The following NPHP1 variants were observed in gnomAD, a reference collection of about 807,000 sequenced individuals.
NPHP1 encodes the protein nephrocystin 1.
NPHP1 carries 70 observed loss-of-function variants against 90.4 expected under a neutral mutation model. The ratio of observed to expected loss-of-function variants is 0.77; its 90% CI spans 0.64 to 0.95. The LOEUF (loss-of-function observed/expected upper bound fraction) is 0.95. NPHP1 is among the 40% of genes least tolerant of loss of function. The probability of loss-of-function intolerance (pLI) is 0.00; values close to 1 mark genes in which losing one functional copy is unlikely to be tolerated. For missense variants in NPHP1, 764 were observed against 795.9 expected, an observed-to-expected ratio of 0.96 and a Z score of 0.48; for synonymous variants, 256 against 271.7, an observed-to-expected ratio of 0.94 and a Z score of 0.57.
At chr2:110,168,676 TC>T in intron 5 of NPHP1, 123 bp from the exon 6 acceptor site, 1 of 697,256 alleles carries the variant, frequency 1.4e-6, no homozygotes, top group South Asian at 1.7e-5. Flanking sequence ...CCAATATTTA[TC>T]CTAAGGTTTA....
At chr2:110,194,378 C>T (rs1353216326) in intron 2 of NPHP1, among the ~76,000 whole-genome samples, 2 of 152,262 alleles carry the variant, frequency 1.3e-5, no homozygotes, top group South Asian at 2.1e-4. Context: ...ACTATAAACA[C>T]CTCTATGCAA....
chr2:110,178,990 T>C (rs1486627858), intron 3 of NPHP1: 1 of 159,812 alleles, frequency 6.3e-6, no homozygotes, highest in Non-Finnish European at 1.4e-5. Flanking sequence ...AAGTTTTGTG[T>C]CACTGGAGAA....
At chr2:110,145,286 CT>C (rs1338241319) in intron 14 of NPHP1, among the ~76,000 whole-genome samples, 2 of 152,064 alleles carry the variant, frequency 1.3e-5, no homozygotes, top group Non-Finnish European at 2.9e-5. Flanking sequence ...AACAGTTTTG[CT>C]TTGTTTTGTT....
intron 2 of NPHP1, among the ~76,000 whole-genome samples, chr2:110,195,602 G>A (rs1470318689): frequency 1.3e-5 from 2 of 152,090 alleles, no homozygotes; most frequent in East Asian, 3.8e-4. Context: ...TAGATTCAAT[G>A]CCATCCCCAT....
chr2:110,178,495 T>C lies in NPHP1; in HGVS notation c.257A>G (p.His86Arg), dbSNP rs540361165. The C allele has an allele frequency of 1.1e-5, 18 of 1,613,588 alleles. No individual in the cohort carries two copies. In the South Asian group the frequency reaches 1.8e-4, roughly 16 times the overall value. ...ANYNQRKEEE[H>R]TLLDKLTQQL... ...TTGGGTAAGCTTGTCCAAAAGAGTA[T>C]GCTCCTCTTCTTTTCTCTGATTATA... Residue 86 changes from histidine to arginine, a missense_variant, in exon 4 of 20, where the codon CAT becomes CGT. Transcript: ENST00000445609.
intron 18 of NPHP1, 77 bp downstream of exon 18, chr2:110,129,109 A>T (rs200093848): frequency 1.9e-6 from 2 of 1,040,848 alleles, no homozygotes; most frequent in South Asian, 2.7e-5. Context: ...AAAAAGGCCT[A>T]GACAGAACTC....
chr2:110,137,617 A>G (rs1258865196), intron 16 of NPHP1, among the ~76,000 whole-genome samples: 4 of 152,228 alleles, frequency 2.6e-5, no homozygotes, highest in Admixed American at 6.5e-5. Context: ...AATCAAAACC[A>G]CAATGAGATA....
At chr2:110,184,560 C>A in intron 2 of NPHP1, 1 of 1,315,256 alleles carries the variant, frequency 7.6e-7, no homozygotes, top group Non-Finnish European at 1.1e-6. Flanking sequence ...CCATGCTGTG[C>A]CCATCTATCA....
At chr2:110,184,853 G>A in intron 2 of NPHP1, 1 of 702,180 alleles carries the variant, frequency 1.4e-6, no homozygotes, top group Non-Finnish European at 2.7e-6. Context: ...CCGGGCCCCT[G>A]AGCTGCTCTT....
rs1174031002 is a variant in NPHP1, at chr2:110,155,374, CAG to C, written c.1083+4751_1083+4752del. ...AATGTGGGGTTGGAGCCCCCTCACA[CAG>C]AGTCCCTCCTGGGGCACCACCTAGT... On this transcript the variant is annotated intron_variant, in intron 11 of 19. Coordinates refer to ENST00000445609, the MANE Select transcript of NPHP1 (RefSeq NM_001128178.3). 6.6e-5 allele frequency among the ~76,000 whole-genome samples: 10 copies of C among 152,296 alleles called. No homozygotes were observed. The East Asian group carries it at 1.7e-3, about 26-fold the overall frequency.
intron 2 of NPHP1, among the ~76,000 whole-genome samples, chr2:110,179,917 G>A (rs1014843956): frequency 1.3e-5 from 2 of 151,966 alleles, no homozygotes; most frequent in African/African-American, 4.8e-5. Flanking sequence ...AGTGTCTCTG[G>A]GCATCAGTTT....
intron 2 of NPHP1, chr2:110,184,230 G>A (rs1684121131): frequency 1.7e-6 from 1 of 576,136 alleles, no homozygotes; most frequent in African/African-American, 1.9e-5. Context: ...CATCTTCATT[G>A]GCTTCAAAGC....
At chr2:110,181,247 G>A (rs1683886323) in intron 2 of NPHP1, among the ~76,000 whole-genome samples, 1 of 152,196 alleles carries the variant, frequency 6.6e-6, no homozygotes, top group Non-Finnish European at 1.5e-5. Flanking sequence ...AGAAGAAAGA[G>A]TCCCCTCCTA....
intron 16 of NPHP1, among the ~76,000 whole-genome samples, chr2:110,137,120 T>G (rs1020474779): frequency 1.3e-5 from 2 of 152,068 alleles, no homozygotes; most frequent in Admixed American, 1.3e-4. Flanking sequence ...TGGCTAGCCA[T>G]ATGTAGAAAG....
chr2:110,134,025 A>G (rs543533394), intron 16 of NPHP1, among the ~76,000 whole-genome samples: 7 of 152,158 alleles, frequency 4.6e-5, no homozygotes, highest in Admixed American at 4.6e-4. Flanking sequence ...TCAGATATAG[A>G]CAAAATAAAG....
Position 110,144,690 on chromosome 2 carries a change from T to G in NPHP1, c.1353-121A>C, listed in dbSNP as rs547880094. 1.0e-5 allele frequency: 7 copies of G among 698,492 alleles called. No homozygotes were observed. The East Asian group carries it at 1.9e-4, about 19-fold the overall frequency. 43.3% of individuals were successfully genotyped at this position (698,492 alleles called of 1,614,324 possible). A position where few individuals can be genotyped will look rare whatever the true frequency, so the allele number is the denominator to read the frequency against. On this transcript the variant is annotated intron_variant, in intron 14 of 19. Coordinates refer to ENST00000445609, the MANE Select transcript of NPHP1 (RefSeq NM_001128178.3). The stretch of plus-strand genomic sequence containing the variant: ...AGACATTTCATTTATGCCTCGTTGG[T>G]AAATGAAAAGAATAATTGTTGATCC...
At chr2:110,199,349 G>A (rs766779722) in intron 2 of NPHP1, among the ~76,000 whole-genome samples, 9 of 151,700 alleles carry the variant, frequency 5.9e-5, no homozygotes, top group African/African-American at 1.5e-4. Context: ...CAGGAGAATC[G>A]CTTGAACCCA....
At chr2:110,164,663 G>C (rs2104560061) in intron 8 of NPHP1, 25 bp downstream of exon 8, 1 of 1,613,970 alleles carries the variant, frequency 6.2e-7, no homozygotes, top group Non-Finnish European at 8.5e-7. Context: ...AACGAGACAT[G>C]ATTAACAAGA....
At chr2:110,183,062 A>T (rs759064089) in intron 2 of NPHP1, among the ~76,000 whole-genome samples, 2 of 152,206 alleles carry the variant, frequency 1.3e-5, no homozygotes, top group Non-Finnish European at 2.9e-5. Context: ...GCATTACACA[A>T]TGGTAAAAGG....
Sources: allele counts gnomAD v4.1 joint callset (sites outside exome capture counted in the v4.1 genomes callset), GRCh38; gene constraint gnomAD v4.1.1; transcripts MANE v1.5; gene names NCBI Gene and HGNC (gene_info 2026-07-23, HGNC 2026-07-21).